The following SKP1 variants were observed in gnomAD, a reference collection of about 807,000 sequenced individuals.
SKP1 encodes the protein S-phase kinase associated protein 1, also known as S-phase kinase-associated protein 1.
Under a neutral mutation model 21.5 loss-of-function variants are expected in SKP1, and 1 was observed. The ratio of observed to expected loss-of-function variants is 0.05; its 90% CI spans 0.02 to 0.22. SKP1 has a LOEUF of 0.22. Among genes scored for constraint, SKP1 ranks in the 10% least tolerant of loss-of-function variants. SKP1 has a pLI of 1.00. For missense variants in SKP1, 70 were observed against 192.0 expected (o/e 0.36, Z 3.76); for synonymous variants, 59 against 59.3 (o/e 0.99, Z 0.03).
At chr5:134,169,474 C>T (rs1443121587) in intron 2 of SKP1, among the ~76,000 whole-genome samples, 2 of 152,160 alleles carry the variant, frequency 1.3e-5, no homozygotes, top group African/African-American at 4.8e-5. Flanking sequence ...ATGTAAAATA[C>T]TTTTATCTTG....
chr5:134,159,570 C>T lies in SKP1; in HGVS notation c.316-975G>A, dbSNP rs531932519. On this transcript the variant is annotated intron_variant, in intron 4 of 5. Coordinates refer to ENST00000353411, the MANE Select transcript of SKP1 (RefSeq NM_170679.3). ...TAATTTTTTTTTTTTTTTTTTGAGA[C>T]GAAGTCTCGCTCTGTCACCCAGGCT... is the stretch of plus-strand genomic sequence containing the variant. Among the ~76,000 whole-genome samples, 664 of 147,414 alleles carry T rather than the reference C, an allele frequency of 4.5e-3. 3 individuals are homozygous for T. The highest frequency in any genetic ancestry group is 0.011 in the Middle Eastern group (3 of 282).
chr5:134,159,827 G>T (rs1018872579), intron 4 of SKP1, among the ~76,000 whole-genome samples: 1 of 151,908 alleles, frequency 6.6e-6, no homozygotes, highest in Non-Finnish European at 1.5e-5. Flanking sequence ...GATTATAGGC[G>T]TGAGCCACCG....
intron 3 of SKP1, among the ~76,000 whole-genome samples, chr5:134,164,993 G>C (rs765359023): frequency 2.0e-5 from 3 of 148,500 alleles, no homozygotes; most frequent in Non-Finnish European, 4.4e-5. Flanking sequence ...GCTAAATTCA[G>C]ATACAGAAAG....
In SKP1 at chr5:134,167,247, A is replaced by T; in HGVS notation, c.98-4T>A. ...CCTTCATCATCCATTCCCAAATCTAAGAAAACCAGAAGAAAGTTTCTATTT... is the reference window on the plus strand; with the variant it reads ...CCTTCATCATCCATTCCCAAATCTATGAAAACCAGAAGAAAGTTTCTATTT... On this transcript the variant is annotated splice_polypyrimidine_tract_variant and splice_region_variant and intron_variant, in intron 2 of 5. Coordinates refer to ENST00000353411, the MANE Select transcript of SKP1 (RefSeq NM_170679.3). 1 of 1,580,842 alleles carries T rather than the reference A, an allele frequency of 6.3e-7. No individual in the cohort carries two copies. Among genetic ancestry groups the T allele is most frequent in the Non-Finnish European group, 8.7e-7 (1 of 1,150,274 alleles).
intron 4 of SKP1, among the ~76,000 whole-genome samples, chr5:134,159,450 G>A (rs904662795): frequency 3.3e-5 from 5 of 151,924 alleles, no homozygotes; most frequent in East Asian, 1.9e-4. Flanking sequence ...GCGTGATCTC[G>A]GCTCACTGCA....
chr5:134,151,546 T>C lies in SKP1; in HGVS notation c.*6187A>G. On this transcript the variant is annotated 3_prime_UTR_variant, in exon 6 of 6. Transcript: ENST00000353411. ...GGGAGGTATTCAAAGTGAGAGCACT[T>C]TAAGGAAATAAGCTGATCCTCAGTG... 1 of 358,926 alleles carries C rather than the reference T, an allele frequency of 2.8e-6. No homozygotes were observed. Among genetic ancestry groups the C allele is most frequent in the Non-Finnish European group, 5.7e-6 (1 of 174,576 alleles). 22.2% of individuals were successfully genotyped at this position (358,926 alleles called of 1,614,324 possible). A position where few individuals can be genotyped will look rare whatever the true frequency, so the allele number is the denominator to read the frequency against.
At position 134,164,332 on chromosome 5, in the gene SKP1, A is replaced by G. The variant is rs1235631086; in HGVS notation, c.171+2838T>C. Among the ~76,000 whole-genome samples, 3 of 7,354 alleles carry G rather than the reference A, an allele frequency of 4.1e-4. 1 individual carries two copies. Among genetic ancestry groups the G allele is most frequent in the Non-Finnish European group, 8.4e-4 (1 of 1,184 alleles). The allele number at this position is 7,354 out of a possible 152,430, so 4.8% of individuals were successfully genotyped here. On this transcript the variant is annotated intron_variant, in intron 3 of 5. Transcript: ENST00000353411. ...AAAACTCCATCTCAAGAAAAAAAAA[A>G]AAAAAAAAAAAAAAAAAAAGATTAT...
At chr5:134,174,071 A>G in intron 1 of SKP1, 49 bp from the exon 2 acceptor site, 1 of 1,135,040 alleles carries the variant, frequency 8.8e-7, no homozygotes, top group Non-Finnish European at 1.3e-6. Flanking sequence ...AGAGTTCTAC[A>G]TGACATTTCA....
At chr5:134,169,752 A>C (rs1417833922) in intron 2 of SKP1, among the ~76,000 whole-genome samples, 2 of 152,248 alleles carry the variant, frequency 1.3e-5, no homozygotes, top group African/African-American at 4.8e-5. Context: ...CTGTAATCCC[A>C]GCACTTTGGG....
At position 134,150,234 on chromosome 5, in the gene SKP1, CTTCTGACA is replaced by C; in HGVS notation, c.*7491_*7498del. On this transcript the variant is annotated 3_prime_UTR_variant, in exon 6 of 6. Coordinates refer to ENST00000353411, the MANE Select transcript of SKP1 (RefSeq NM_170679.3). ...TAACAGAACCCCATGGATGGACTCT[CTTCTGACA>C]TGTAATTATCTTTTGAATGGCTCCT... The C allele has an allele frequency of 6.6e-6, 1 of 152,360 alleles. No individual in the cohort carries two copies. Among genetic ancestry groups the C allele is most frequent in the Middle Eastern group, 3.4e-3 (1 of 294 alleles). The allele number at this position is 152,360 out of a possible 1,614,324, so 9.4% of individuals were successfully genotyped here.
rs1039756241 is a variant in SKP1, at chr5:134,150,716, C to T, written c.*7017G>A. 2.6e-5 allele frequency: 4 copies of T among 152,136 alleles called. No homozygotes were observed. The highest frequency in any genetic ancestry group is 9.7e-5 in the African/African-American group (4 of 41,414). The allele number at this position is 152,136 out of a possible 1,614,324, so 9.4% of individuals were successfully genotyped here. A position where few individuals can be genotyped will look rare whatever the true frequency, so the allele number is the denominator to read the frequency against. ...AAGCAGACCCTGGTTGTGTCAACTC[C>T]CCCAATCCCAACTTATTGTGATAAC... On this transcript the variant is annotated 3_prime_UTR_variant, in exon 6 of 6. Coordinates refer to ENST00000353411, the MANE Select transcript of SKP1 (RefSeq NM_170679.3).
At chr5:134,162,716 T>C (rs1761242840) in intron 3 of SKP1, among the ~76,000 whole-genome samples, 1 of 152,126 alleles carries the variant, frequency 6.6e-6, no homozygotes, top group African/African-American at 2.4e-5. Context: ...AATAATAGCT[T>C]TTTAGGAAGT....
At chr5:134,175,627 CAAGAT>C (rs1761525647) in intron 1 of SKP1, 2 of 152,116 alleles carry the variant, frequency 1.3e-5, no homozygotes, top group Non-Finnish European at 2.9e-5. Flanking sequence ...TCAAATAACT[CAAGAT>C]AAGTGCTTAG....
At chr5:134,162,667 G>A (rs887682541) in intron 3 of SKP1, among the ~76,000 whole-genome samples, 3 of 152,108 alleles carry the variant, frequency 2.0e-5, no homozygotes, top group Admixed American at 6.5e-5. Flanking sequence ...GATTACAGGC[G>A]TGAGCCACTG....
At chr5:134,174,575 G>A (rs1761503120) in intron 1 of SKP1, 1 of 581,936 alleles carries the variant, frequency 1.7e-6, no homozygotes, top group Admixed American at 6.3e-5. Flanking sequence ...GCAGATGTGA[G>A]TACAATTCCC....
At position 134,166,110 on chromosome 5, in the gene SKP1, G is replaced by A. The variant is rs190792625; in HGVS notation, c.171+1060C>T. Among the ~76,000 whole-genome samples, 480 of 151,022 alleles carry A rather than the reference G, an allele frequency of 3.2e-3. 2 individuals are homozygous for A. The highest frequency in any genetic ancestry group is 0.011 in the African/African-American group (461 of 41,076). The stretch of plus-strand genomic sequence containing the variant: ...GAGGCAGGGAAAATTACTTGAACCC[G>A]GAAGGCAGAGGCTGCAGTGAGCTGA... On this transcript the variant is annotated intron_variant, in intron 3 of 5. Transcript: ENST00000353411.
rs1005253444 is a variant in SKP1 at position 134,155,878 on chromosome 5, T to G, written c.*1855A>C. On this transcript the variant is annotated 3_prime_UTR_variant, in exon 6 of 6. Transcript: ENST00000353411. Reference sequence around the variant, plus strand: ...GGTGCAATGCCAGCTCACTGCAGCCTCGACCTCTCAGGCTCAAGCCATCTT... The same window carrying G: ...GGTGCAATGCCAGCTCACTGCAGCCGCGACCTCTCAGGCTCAAGCCATCTT... The G allele has an allele frequency of 2.0e-5, 3 of 152,282 alleles. No homozygotes were observed. Among genetic ancestry groups the G allele is most frequent in the Non-Finnish European group, 4.4e-5 (3 of 68,116 alleles). The allele number at this position is 152,282 out of a possible 1,614,324, so 9.4% of individuals were successfully genotyped here.
At chr5:134,174,138 A>G in intron 1 of SKP1, 116 bp from the exon 2 acceptor site, 1 of 673,126 alleles carries the variant, frequency 1.5e-6, no homozygotes, top group South Asian at 1.8e-5. Context: ...CTAAGAACCT[A>G]CAATACATAA....
At chr5:134,164,322 GAAAAAAAAAAA>G (rs55637997) in intron 3 of SKP1, among the ~76,000 whole-genome samples, 96 of 122,112 alleles carry the variant, frequency 7.9e-4, no homozygotes, top group African/African-American at 2.4e-3. Context: ...TCCATCTCAA[GAAAAAAAAAAA>G]AAAAAAAAAA....
Sources: allele counts gnomAD v4.1 joint callset (sites outside exome capture counted in the v4.1 genomes callset), GRCh38; gene constraint gnomAD v4.1.1; transcripts MANE v1.5; gene names NCBI Gene and HGNC (gene_info 2026-07-23, HGNC 2026-07-21).